The following CD83 variants were observed in gnomAD, a reference collection of about 807,000 sequenced individuals.
CD83 encodes CD83 molecule.
CD83 carries 22 observed loss-of-function variants against 24.6 expected under a neutral mutation model. The observed-to-expected ratio is 0.90, with a 90% CI of 0.64 to 1.28. The LOEUF (loss-of-function observed/expected upper bound fraction) is 1.28. Among genes scored for constraint, CD83 ranks in the 50% most tolerant of loss-of-function variants. CD83 has a pLI of 0.00. For missense variants in CD83, 253 were observed against 252.8 expected, an observed-to-expected ratio of 1.00 and a Z score of -0.01; for synonymous variants, 101 against 103.5, an observed-to-expected ratio of 0.98 and a Z score of 0.14.
intron 4 of CD83, 65 bp from the exon 5 acceptor site, chr6:14,135,043 A>G: frequency 1.3e-6 from 2 of 1,551,722 alleles, no homozygotes; most frequent in Non-Finnish European, 1.8e-6. Flanking sequence ...ATAGAGTTTA[A>G]AAGGAGGTGA....
rs188286955 is a variant in CD83, at chr6:14,133,479, G to A, written c.383-170G>A. On this transcript the variant is annotated intron_variant, in intron 3 of 4. Transcript: ENST00000379153. Reference sequence around the variant, plus strand: ...GCAGCCAGACACAGAGCGACAGTGCGCGCCGGCTGCTGCTGTCACCTTCAC... The same window carrying A: ...GCAGCCAGACACAGAGCGACAGTGCACGCCGGCTGCTGCTGTCACCTTCAC... Among the ~76,000 whole-genome samples, 45 of 152,340 alleles carry A rather than the reference G, an allele frequency of 3.0e-4. No individual in the cohort carries two copies. In the East Asian group the frequency reaches 6.6e-3, roughly 22 times the overall value.
At chr6:14,132,045 G>A (rs1294868797) in intron 3 of CD83, among the ~76,000 whole-genome samples, 2 of 152,210 alleles carry the variant, frequency 1.3e-5, no homozygotes, top group Admixed American at 6.5e-5. Context: ...TCAGGGATCT[G>A]AAAGGAATTG....
In CD83 at chr6:14,131,589, C is replaced by T. The variant is rs1337433301; in HGVS notation, c.223C>T (p.Gln75Ter). The change falls in exon 3 of 5, where the codon CAG becomes TAG. Residue 75 changes from glutamine to a stop codon, truncating the protein, a stop_gained. Transcript: ENST00000379153. LOFTEE classifies it high-confidence loss of function. ...CCACCTCAGGGGACAGCACTATCATCAGAAGGGGCAAAATGGTTCTTTCGA... is the reference window on the plus strand; with the variant it reads ...CCACCTCAGGGGACAGCACTATCATTAGAAGGGGCAAAATGGTTCTTTCGA... ...EDHLRGQHYH[Q>*]KGQNGSFDAP... The T allele has an allele frequency of 6.2e-7, 1 of 1,614,038 alleles. No individual in the cohort carries two copies. The highest frequency in any genetic ancestry group is 2.2e-5 in the East Asian group (1 of 44,892).
At chr6:14,122,000 T>C (rs1230506970) in intron 2 of CD83, among the ~76,000 whole-genome samples, 1 of 152,128 alleles carries the variant, frequency 6.6e-6, no homozygotes, top group Non-Finnish European at 1.5e-5. Context: ...CTATGGGTGA[T>C]GCAAAACGAA....
At chr6:14,133,497 A>G (rs1051418144) in intron 3 of CD83, 152 bp from the exon 4 acceptor site, 4 of 602,120 alleles carry the variant, frequency 6.6e-6, no homozygotes, top group Non-Finnish European at 1.2e-5. Flanking sequence ...TGCTGCTGTC[A>G]CCTTCACTGT....
intron 2 of CD83, among the ~76,000 whole-genome samples, chr6:14,119,988 AG>A (rs1234928037): frequency 6.6e-6 from 1 of 152,188 alleles, no homozygotes; most frequent in East Asian, 1.9e-4. Flanking sequence ...GTAACGCATG[AG>A]CTTGTTTATT....
intron 2 of CD83, among the ~76,000 whole-genome samples, chr6:14,120,712 A>G (rs1759651493): frequency 6.6e-6 from 1 of 152,118 alleles, no homozygotes; most frequent in Non-Finnish European, 1.5e-5. Context: ...TCTATTCACC[A>G]CTCAATCCTC....
At chr6:14,118,193 A>T (rs1759586831) in intron 2 of CD83, 128 bp downstream of exon 2, 1 of 625,914 alleles carries the variant, frequency 1.6e-6, no homozygotes, top group Non-Finnish European at 2.7e-6. Flanking sequence ...CCGCAGCTGA[A>T]CTTGGAGTAC....
At chr6:14,132,710 A>AT (rs1359293728) in intron 3 of CD83, among the ~76,000 whole-genome samples, 2 of 119,468 alleles carry the variant, frequency 1.7e-5, no homozygotes, top group Non-Finnish European at 4.0e-5. Flanking sequence ...GGCTCTCATT[A>AT]CCCACGGCTG....
chr6:14,118,108 T>G (rs539667595), intron 2 of CD83, 43 bp downstream of exon 2: 1 of 1,420,418 alleles, frequency 7.0e-7, no homozygotes, highest in African/African-American at 1.4e-5. Context: ...GGTGGGCTCA[T>G]TTGAAGACAG....
chr6:14,129,879 G>A lies in CD83; in HGVS notation c.154-1641G>A, dbSNP rs183299558. ...TGTGTGTGTGTATACGAGTGCACACGTGCCCATGTGTATGTATTTTCTTTC... is the reference window on the plus strand; with the variant it reads ...TGTGTGTGTGTATACGAGTGCACACATGCCCATGTGTATGTATTTTCTTTC... On this transcript the variant is annotated intron_variant, in intron 2 of 4. Transcript: ENST00000379153. This position sits in a 1 kb window ranked among gnomAD's most constrained non-coding sequence, Gnocchi z 4.3. Among the ~76,000 whole-genome samples the A allele has an allele frequency of 2.4e-3, 367 of 151,688 alleles. 1 individual carries two copies. Among genetic ancestry groups the A allele is most frequent in the Non-Finnish European group, 4.3e-3 (289 of 67,946 alleles).
intron 3 of CD83, among the ~76,000 whole-genome samples, chr6:14,132,678 T>C (rs1352494705): frequency 6.6e-6 from 1 of 150,930 alleles, no homozygotes; most frequent in Non-Finnish European, 1.5e-5. Context: ...GACCAATACA[T>C]ATTAGGGACC....
chr6:14,134,361 T>C (rs853360), intron 4 of CD83, among the ~76,000 whole-genome samples: 112,554 of 152,208 alleles, frequency 0.74, 41,727 homozygotes, highest in East Asian at 0.86. Context: ...TTGCAGGTTC[T>C]GGCTCAAAGC....
At chr6:14,124,606 C>T (rs900998318) in intron 2 of CD83, among the ~76,000 whole-genome samples, 5 of 152,232 alleles carry the variant, frequency 3.3e-5, no homozygotes, top group South Asian at 2.1e-4. Flanking sequence ...TAGCCCCCTA[C>T]GTACCAACCT....
chr6:14,125,526 A>G (rs1759783875), intron 2 of CD83, among the ~76,000 whole-genome samples: 1 of 152,172 alleles, frequency 6.6e-6, no homozygotes, highest in Non-Finnish European at 1.5e-5. Flanking sequence ...GATTATTCTC[A>G]AGGGACTTTG....
At chr6:14,123,736 G>A (rs1361665712) in intron 2 of CD83, among the ~76,000 whole-genome samples, 1 of 129,790 alleles carries the variant, frequency 7.7e-6, no homozygotes, top group Non-Finnish European at 1.6e-5. Context: ...GAAGAAAGCA[G>A]CTGAGAGTTA....
At chr6:14,135,036 G>T in intron 4 of CD83, 72 bp from the exon 5 acceptor site, 1 of 1,493,774 alleles carries the variant, frequency 6.7e-7, no homozygotes, top group Non-Finnish European at 9.2e-7. Context: ...TTAGTGAATA[G>T]AGTTTAAAAG....
rs181135572 is a variant in CD83, at chr6:14,123,394, C to T, written c.153+5329C>T. The stretch of plus-strand genomic sequence containing the variant: ...GATTACAGGCGTAAGCCACCACGCC[C>T]GGCCTCACTGAAGGATTTTAAGCAA... On this transcript the variant is annotated intron_variant, in intron 2 of 4. Coordinates refer to ENST00000379153, the MANE Select transcript of CD83 (RefSeq NM_004233.4). Among the ~76,000 whole-genome samples, 100 of 152,296 alleles carry T rather than the reference C, an allele frequency of 6.6e-4. No individual in the cohort carries two copies. The Middle Eastern group carries it at 0.014, about 21-fold the overall frequency.
Position 14,135,384 on chromosome 6 carries a change from A to T in CD83, c.*148A>T. On this transcript the variant is annotated 3_prime_UTR_variant, in exon 5 of 5. Transcript: ENST00000379153. The stretch of plus-strand genomic sequence containing the variant: ...CTGAAAACATCTGGAAGGGGATCCC[A>T]CCCCATTTTCTGTGGGCAGGCCTCG... 1.2e-6 allele frequency: 1 copy of T among 858,670 alleles called. No homozygotes were observed. Among genetic ancestry groups the T allele is most frequent in the Non-Finnish European group, 1.8e-6 (1 of 570,348 alleles). The allele number at this position is 858,670 out of a possible 1,614,324, so 53.2% of individuals were successfully genotyped here. A position where few individuals can be genotyped will look rare whatever the true frequency, so the allele number is the denominator to read the frequency against.
Sources: gnomAD v4.1 joint callset for allele counts (sites outside exome capture counted in the v4.1 genomes callset) on GRCh38, gnomAD v4.1.1 for gene constraint, Gnocchi (gnomAD v3.1) non-coding constraint, MANE v1.5 for transcripts, NCBI Gene and HGNC (gene_info 2026-07-23, HGNC 2026-07-21) for gene names.